Variants in MSL2 observed in about 807,000 individuals in gnomAD.
The protein encoded by MSL2 is MSL complex subunit 2.
A neutral mutation model predicts 35.8 loss-of-function variants in MSL2; 2 were observed. That is an observed-to-expected ratio of 0.06 (90% confidence interval 0.02 to 0.18). MSL2 has a LOEUF of 0.18. Among genes scored for constraint, MSL2 ranks in the 10% least tolerant of loss-of-function variants. The pLI is 1.00. For missense variants in MSL2, 523 were observed against 706.7 expected (o/e 0.74, Z 2.95); for synonymous variants, 296 against 255.7 (o/e 1.16, Z -1.50).
intron 1 of MSL2, among the ~76,000 whole-genome samples, chr3:136,182,296 T>A (rs1039469947): frequency 6.6e-6 from 1 of 152,226 alleles, no homozygotes; most frequent in Non-Finnish European, 1.5e-5. Flanking sequence ...AGTGGCTTTG[T>A]ATAAAATGTA....
At chr3:136,194,335 C>T in intron 1 of MSL2, 2 of 875,452 alleles carry the variant, frequency 2.3e-6, no homozygotes, top group Non-Finnish European at 2.7e-6. Context: ...TAAAATAACC[C>T]TCGACAAAGC....
At chr3:136,160,572 T>C (rs1939681483) in intron 1 of MSL2, among the ~76,000 whole-genome samples, 1 of 151,772 alleles carries the variant, frequency 6.6e-6, no homozygotes, top group Non-Finnish European at 1.5e-5. Flanking sequence ...TAGCTGGCTG[T>C]GGTGGCATGC....
At chr3:136,153,646 C>T (rs1450809264) in intron 1 of MSL2, among the ~76,000 whole-genome samples, 1 of 151,214 alleles carries the variant, frequency 6.6e-6, no homozygotes, top group Non-Finnish European at 1.5e-5. Context: ...AAAAATTAAC[C>T]GGGCATGGTG....
At chr3:136,165,756 TAA>T (rs1227200640) in intron 1 of MSL2, among the ~76,000 whole-genome samples, 5 of 152,086 alleles carry the variant, frequency 3.3e-5, no homozygotes, top group African/African-American at 4.8e-5. Flanking sequence ...TAAACCAGAT[TAA>T]GATTTAATTG....
intron 1 of MSL2, among the ~76,000 whole-genome samples, chr3:136,160,701 T>C (rs1319564651): frequency 6.7e-6 from 1 of 149,820 alleles, no homozygotes. Context: ...ACAGCAAGCC[T>C]CCATCTCAAT....
At chr3:136,190,892 A>C (rs1257115350) in intron 1 of MSL2, among the ~76,000 whole-genome samples, 1 of 152,240 alleles carries the variant, frequency 6.6e-6, no homozygotes, top group African/African-American at 2.4e-5. Context: ...AAAGTACAGT[A>C]ATTCTCTACA....
chr3:136,191,616 C>T (rs1005331755), intron 1 of MSL2, among the ~76,000 whole-genome samples: 2 of 152,136 alleles, frequency 1.3e-5, no homozygotes, highest in Admixed American at 6.5e-5. Flanking sequence ...CCTCTCCCTA[C>T]AAAAACTTTA....
At chr3:136,166,110 C>T (rs530166815) in intron 1 of MSL2, among the ~76,000 whole-genome samples, 1 of 146,536 alleles carries the variant, frequency 6.8e-6, no homozygotes, top group African/African-American at 2.5e-5. Flanking sequence ...AAAACTGGGC[C>T]AGGCACGATG....
intron 1 of MSL2, among the ~76,000 whole-genome samples, chr3:136,178,985 T>TC (rs978713655): frequency 1.7e-5 from 2 of 115,728 alleles, no homozygotes; most frequent in Non-Finnish European, 3.5e-5. Flanking sequence ...TTTTCTTTTT[T>TC]TTTTTTTTTT....
intron 1 of MSL2, among the ~76,000 whole-genome samples, chr3:136,174,995 C>A (rs1411751689): frequency 2.6e-5 from 4 of 152,292 alleles, no homozygotes; most frequent in Admixed American, 1.3e-4. Context: ...CGATGCTGAT[C>A]AACCCAAATA....
At chr3:136,181,110 G>A (rs1477227628) in intron 1 of MSL2, among the ~76,000 whole-genome samples, 2 of 150,796 alleles carry the variant, frequency 1.3e-5, no homozygotes, top group East Asian at 2.0e-4. Flanking sequence ...GTGAGATTGC[G>A]CCACTGCACT....
intron 1 of MSL2, among the ~76,000 whole-genome samples, chr3:136,188,604 G>C (rs1164379856): frequency 2.6e-5 from 4 of 151,726 alleles, no homozygotes; most frequent in Non-Finnish European, 5.9e-5. Context: ...CTGAAATTTA[G>C]CAGGGCATTG....
chr3:136,194,263 T>C (rs903107152), intron 1 of MSL2: 2 of 233,102 alleles, frequency 8.6e-6, no homozygotes, highest in South Asian at 1.6e-4. Flanking sequence ...AGCATATCTC[T>C]TCTATCTTAA....
At chr3:136,191,794 G>A (rs1157653775) in intron 1 of MSL2, among the ~76,000 whole-genome samples, 1 of 152,136 alleles carries the variant, frequency 6.6e-6, no homozygotes, top group Non-Finnish European at 1.5e-5. Flanking sequence ...TTTTCAAACC[G>A]CTTAAAAATA....
chr3:136,161,142 T>C (rs1939698030), intron 1 of MSL2, among the ~76,000 whole-genome samples: 1 of 152,164 alleles, frequency 6.6e-6, no homozygotes, highest in South Asian at 2.1e-4. Context: ...TCAATATTAT[T>C]AGTCAAAGTA....
At chr3:136,165,033 C>G (rs1398622363) in intron 1 of MSL2, among the ~76,000 whole-genome samples, 2 of 152,118 alleles carry the variant, frequency 1.3e-5, no homozygotes, top group East Asian at 1.9e-4. Context: ...ACCACTGCGT[C>G]TGGCTAATTT....
Position 136,151,684 on chromosome 3 carries a change from T to G in MSL2, c.1197A>C (p.Lys399Asn). 1 of 1,614,150 alleles carries G rather than the reference T, an allele frequency of 6.2e-7. No homozygotes were observed. Among genetic ancestry groups the G allele is most frequent in the South Asian group, 1.1e-5 (1 of 91,086 alleles). Residue 399 changes from lysine to asparagine, a missense_variant, in exon 2 of 2, where the codon AAA becomes AAC. Lys to Asn is a moderately conservative substitution (Grantham distance 94). Coordinates refer to ENST00000309993, the MANE Select transcript of MSL2 (RefSeq NM_018133.4). This position sits in a 1 kb window ranked among gnomAD's most constrained non-coding sequence, Gnocchi z 5.2. ...TGCTTTTAGTAGATAAAAGTACAGT[T>G]TTGCTGATTTTAGGTGTTGTGCCTC... ...PNGGTTPKIS[K>N]TVLLSTKSMK... is the part of the protein sequence containing the mutation.
intron 1 of MSL2, among the ~76,000 whole-genome samples, chr3:136,186,523 G>A (rs559293693): frequency 1.3e-5 from 2 of 152,120 alleles, no homozygotes; most frequent in Non-Finnish European, 2.9e-5. Flanking sequence ...CCCACTGCTC[G>A]CATTACCACC....
In MSL2 at chr3:136,155,916, T is replaced by C. The variant is rs1166960630; in HGVS notation, c.143-3178A>G. ...GGCCTTGTGATGGATGAGCACCTCA[T>C]GGTTTCCAATACTCCAGAACTACTA... On this transcript the variant is annotated intron_variant, in intron 1 of 1. Coordinates refer to ENST00000309993, the MANE Select transcript of MSL2 (RefSeq NM_018133.4). The C allele has an allele frequency of 9.0e-6, 5 of 555,082 alleles. No individual in the cohort carries two copies. The African/African-American group carries it at 9.5e-5, about 11-fold the overall frequency. 34.4% of individuals were successfully genotyped at this position (555,082 alleles called of 1,614,324 possible). A position where few individuals can be genotyped will look rare whatever the true frequency, so the allele number is the denominator to read the frequency against.
Sources: gnomAD v4.1 joint callset for allele counts (sites outside exome capture counted in the v4.1 genomes callset) on GRCh38, gnomAD v4.1.1 for gene constraint, Gnocchi (gnomAD v3.1) non-coding constraint, MANE v1.5 for transcripts, NCBI Gene and HGNC (gene_info 2026-07-23, HGNC 2026-07-21) for gene names.